Variants in KLF12 observed in about 807,000 individuals in gnomAD.
KLF12 encodes KLF transcription factor 12, also known as Krueppel-like factor 12.
In KLF12, 9 loss-of-function variants were observed where a neutral mutation model predicts 37.8. The ratio of observed to expected loss-of-function variants is 0.24; its 90% CI spans 0.14 to 0.42. KLF12 has a LOEUF of 0.42. Ranked by LOEUF, KLF12 falls within the 10% of genes least tolerant of loss-of-function variation. The pLI, the probability that KLF12 is intolerant of heterozygous loss-of-function variation, is 1.00. For missense variants in KLF12, 411 were observed against 516.0 expected (o/e 0.80, Z 1.97); for synonymous variants, 208 against 202.1 (o/e 1.03, Z -0.25).
At position 73,707,881 on chromosome 13, in the gene KLF12, CAAGT is replaced by C. The variant is rs1433208970; in HGVS notation, c.1027+7483_1027+7486del. On this transcript the variant is annotated intron_variant, in intron 7 of 7. Coordinates refer to ENST00000377669, the MANE Select transcript of KLF12 (RefSeq NM_007249.5). ...GGAATAGCAGCAAGAAATGATGAGGCAAGTAAGAAAGTGAGAAAAGACAGAATCT... is the reference window on the plus strand; with the variant it reads ...GGAATAGCAGCAAGAAATGATGAGGCAAGAAAGTGAGAAAAGACAGAATCT... Among the ~76,000 whole-genome samples the C allele has an allele frequency of 2.0e-5, 3 of 151,938 alleles. No individual in the cohort carries two copies. The East Asian group carries it at 5.8e-4, about 29-fold the overall frequency.
At chr13:73,742,174 G>A (rs1469631587) in intron 6 of KLF12, among the ~76,000 whole-genome samples, 1 of 152,112 alleles carries the variant, frequency 6.6e-6, no homozygotes, top group South Asian at 2.1e-4. Context: ...TAAAAGCAAA[G>A]GGCAGCGCTT....
chr13:74,165,313 T>A, the KLF12 span, among the ~76,000 whole-genome samples: 1 of 147,754 alleles, frequency 6.8e-6, no homozygotes, highest in Non-Finnish European at 1.5e-5. Flanking sequence ...TTTTTTTTTT[T>A]TTTTTGAGAT....
At chr13:73,791,793 G>C (rs897712184) in intron 5 of KLF12, among the ~76,000 whole-genome samples, 1 of 152,188 alleles carries the variant, frequency 6.6e-6, no homozygotes, top group Non-Finnish European at 1.5e-5. Context: ...CCTATTGTCA[G>C]ATCAAATGTC....
the KLF12 span, among the ~76,000 whole-genome samples, chr13:74,299,026 T>C: frequency 1.3e-5 from 2 of 152,176 alleles, no homozygotes; most frequent in East Asian, 3.8e-4. Context: ...AGTAGGACCA[T>C]GGCAGACAGA....
chr13:74,151,582 G>A, the KLF12 span, among the ~76,000 whole-genome samples: 1 of 152,120 alleles, frequency 6.6e-6, no homozygotes, highest in Non-Finnish European at 1.5e-5. Context: ...GAGCCTGGGA[G>A]GCAGAGGTTG....
chr13:74,037,097 G>A (rs768833005), intron 1 of KLF12, among the ~76,000 whole-genome samples: 2 of 151,608 alleles, frequency 1.3e-5, no homozygotes, highest in Admixed American at 1.3e-4. Context: ...TCAGCTATTC[G>A]GGAGGCTGAG....
At chr13:74,275,863 TTTCTATCTTTCTTTC>T in the KLF12 span, among the ~76,000 whole-genome samples, 202 of 114,782 alleles carry the variant, frequency 1.8e-3, no homozygotes, top group Non-Finnish European at 2.5e-3. Flanking sequence ...TCTTTCTTTC[TTTCTATCTTTCTTTC>T]TTCTTTCTTT....
chr13:74,283,527 C>G, the KLF12 span, among the ~76,000 whole-genome samples: 1 of 152,206 alleles, frequency 6.6e-6, no homozygotes, highest in African/African-American at 2.4e-5. Context: ...CATGCAGATA[C>G]TCCTTTACAG....
chr13:74,112,204 CTGTG>C (rs10637379), intron 1 of KLF12, among the ~76,000 whole-genome samples: 5 of 149,378 alleles, frequency 3.3e-5, no homozygotes, highest in African/African-American at 1.2e-4. Context: ...GTGTGTGCAT[CTGTG>C]TGTGTGTGTG....
At chr13:73,904,469 C>CTTTTTTTTTTTTTTTTTTTTTTTTCTT (rs11342071) in intron 3 of KLF12, among the ~76,000 whole-genome samples, 1 of 92,030 alleles carries the variant, frequency 1.1e-5, no homozygotes, top group African/African-American at 4.5e-5. Context: ...TCTTTCTTTC[C>CTTTTTTTTTTTTTTTTTTTTTTTTCTT]TTTTTTTTTT....
chr13:74,300,628 A>G, the KLF12 span, among the ~76,000 whole-genome samples: 2 of 152,200 alleles, frequency 1.3e-5, no homozygotes, highest in Admixed American at 6.5e-5. Flanking sequence ...AAAAGATGTC[A>G]TGCCCAGGGC....
At chr13:73,793,275 A>G (rs1337977470) in intron 5 of KLF12, among the ~76,000 whole-genome samples, 2 of 152,226 alleles carry the variant, frequency 1.3e-5, no homozygotes, top group Non-Finnish European at 2.9e-5. Context: ...CCCAAATAAG[A>G]TAATCTGATA....
intron 6 of KLF12, among the ~76,000 whole-genome samples, chr13:73,716,283 T>TA (rs1875800557): frequency 6.6e-6 from 1 of 152,212 alleles, no homozygotes; most frequent in Non-Finnish European, 1.5e-5. Context: ...AACATGTACT[T>TA]AAAAAAATCT....
At chr13:74,302,752 GGAGAAAGCAGGGAGCCCTCAGCCT>G in the KLF12 span, among the ~76,000 whole-genome samples, 1 of 152,038 alleles carries the variant, frequency 6.6e-6, no homozygotes, top group Non-Finnish European at 1.5e-5. Flanking sequence ...TGCTTGGCTT[GGAGAAAGCAGGGAGCCCTCAGCCT>G]TCTGATTCAC....
At chr13:74,266,862 A>G in the KLF12 span, among the ~76,000 whole-genome samples, 1 of 152,212 alleles carries the variant, frequency 6.6e-6, no homozygotes, top group African/African-American at 2.4e-5. Flanking sequence ...CCAGTGGACC[A>G]GTGGGTAATG....
intron 6 of KLF12, among the ~76,000 whole-genome samples, chr13:73,748,911 C>G (rs1878551170): frequency 6.6e-6 from 1 of 152,142 alleles, no homozygotes; most frequent in Non-Finnish European, 1.5e-5. Context: ...TTTATTCACC[C>G]CATGTCAGTT....
intron 5 of KLF12, among the ~76,000 whole-genome samples, chr13:73,791,237 G>GTA (rs530235104): frequency 1.4e-4 from 21 of 152,236 alleles, no homozygotes; most frequent in African/African-American, 5.1e-4. Context: ...TAATACAAGT[G>GTA]TATATTCATG....
In KLF12 at chr13:74,059,664, G is replaced by A. The variant is rs185811546; in HGVS notation, c.-31-64611C>T. 8.6e-5 allele frequency among the ~76,000 whole-genome samples: 13 copies of A among 152,026 alleles called. No homozygotes were observed. The East Asian group carries it at 1.5e-3, about 18-fold the overall frequency. ...TCTTGTTGAATTCTGTGTGGATTCCGGATATTATTAGTCCTTTATTATCAG... is the reference window on the plus strand; with the variant it reads ...TCTTGTTGAATTCTGTGTGGATTCCAGATATTATTAGTCCTTTATTATCAG... On this transcript the variant is annotated intron_variant, in intron 1 of 7. Transcript: ENST00000377669.
At chr13:74,127,173 T>C (rs1201581709) in intron 1 of KLF12, among the ~76,000 whole-genome samples, 1 of 152,224 alleles carries the variant, frequency 6.6e-6, no homozygotes, top group South Asian at 2.1e-4. Flanking sequence ...CCGGCCTGAA[T>C]GGCAGCTTTT....
Sources: gnomAD v4.1 joint callset for allele counts (sites outside exome capture counted in the v4.1 genomes callset) on GRCh38, gnomAD v4.1.1 for gene constraint, MANE v1.5 for transcripts, NCBI Gene and HGNC (gene_info 2026-07-23, HGNC 2026-07-21) for gene names.